The following DOCK3 variants were observed in gnomAD, a reference collection of about 807,000 sequenced individuals.
DOCK3 encodes the protein dedicator of cytokinesis 3, also known as dedicator of cytokinesis protein 3.
Under a neutral mutation model 265.6 loss-of-function variants are expected in DOCK3, and 60 were observed. That is an observed-to-expected ratio of 0.23 (90% CI 0.18 to 0.28). The LOEUF is 0.28. Ranked by LOEUF, DOCK3 falls within the 10% of genes least tolerant of loss-of-function variation. The pLI is 1.00. For synonymous variants in DOCK3, 881 were observed against 938.0 expected (o/e 0.94, Z 1.11); for missense variants, 1,981 against 2,594.3 (o/e 0.76, Z 5.14).
At chr3:50,723,789 A>G (rs193260365) in intron 1 of DOCK3, among the ~76,000 whole-genome samples, 2 of 152,368 alleles carry the variant, frequency 1.3e-5, no homozygotes, top group Admixed American at 6.5e-5. Context: ...ACACATGAGC[A>G]AAGACTTCAT....
chr3:51,168,493 A>T (rs942270327), intron 12 of DOCK3, among the ~76,000 whole-genome samples: 2 of 152,252 alleles, frequency 1.3e-5, no homozygotes, highest in Non-Finnish European at 2.9e-5. Context: ...CAATGGGGAA[A>T]GGACTCCCTA....
intron 4 of DOCK3, among the ~76,000 whole-genome samples, chr3:50,911,638 A>G (rs1480325598): frequency 6.6e-6 from 1 of 151,950 alleles, no homozygotes; most frequent in Non-Finnish European, 1.5e-5. Context: ...AGCTACTTGG[A>G]AAATTTTGTA....
chr3:50,963,558 C>T (rs766043924), intron 5 of DOCK3, among the ~76,000 whole-genome samples: 34 of 152,112 alleles, frequency 2.2e-4, no homozygotes, highest in Admixed American at 3.9e-4. Flanking sequence ...CTTCTGCCCA[C>T]GATAAAGTCA....
chr3:51,229,493 T>G lies in DOCK3; in HGVS notation c.1820-19T>G, dbSNP rs778579221. ...ATCCAGGTTTCAAGGGTTCCTCATC[T>G]TTTGGGCTTGCTTTCTAGTGGACCT... is the stretch of plus-strand genomic sequence containing the variant. On this transcript the variant is annotated intron_variant, in intron 18 of 52. Coordinates refer to ENST00000266037, the MANE Select transcript of DOCK3 (RefSeq NM_004947.5). The G allele has an allele frequency of 3.2e-6, 5 of 1,554,382 alleles. No individual in the cohort carries two copies. The African/African-American group carries it at 5.6e-5, about 17-fold the overall frequency.
chr3:50,970,686 C>G (rs1471871182), intron 5 of DOCK3, among the ~76,000 whole-genome samples: 1 of 139,812 alleles, frequency 7.2e-6, no homozygotes, highest in East Asian at 2.1e-4. Context: ...TTTCTGATTT[C>G]TTTGTGTTGG....
At chr3:51,323,384 C>T (rs2083872081) in intron 32 of DOCK3, among the ~76,000 whole-genome samples, 1 of 152,170 alleles carries the variant, frequency 6.6e-6, no homozygotes, top group Non-Finnish European at 1.5e-5. Flanking sequence ...ACTCTCCACC[C>T]CAAATCAACA....
chr3:50,768,620 G>T (rs1389774749), intron 1 of DOCK3, among the ~76,000 whole-genome samples: 1 of 152,156 alleles, frequency 6.6e-6, no homozygotes, highest in Non-Finnish European at 1.5e-5. Context: ...GTATTCTATT[G>T]TGTATATATA....
intron 1 of DOCK3, among the ~76,000 whole-genome samples, chr3:50,743,401 A>G (rs1298474318): frequency 1.3e-5 from 2 of 151,242 alleles, no homozygotes; most frequent in Non-Finnish European, 2.9e-5. Context: ...AGACTGGCAA[A>G]TTGGTTAAAG....
chr3:51,245,856 A>G (rs2078813529), intron 21 of DOCK3, among the ~76,000 whole-genome samples: 1 of 152,140 alleles, frequency 6.6e-6, no homozygotes, highest in South Asian at 2.1e-4. Flanking sequence ...AGTATTTGTG[A>G]TAACTTTGAG....
intron 12 of DOCK3, among the ~76,000 whole-genome samples, chr3:51,184,548 C>A (rs1295845333): frequency 1.4e-3 from 205 of 145,222 alleles, no homozygotes; most frequent in Middle Eastern, 3.6e-3. Flanking sequence ...CAATTTTAGC[C>A]AAAAAAAAAA....
At chr3:50,967,762 C>A (rs528175324) in intron 5 of DOCK3, among the ~76,000 whole-genome samples, 2 of 152,052 alleles carry the variant, frequency 1.3e-5, no homozygotes, top group South Asian at 4.1e-4. Context: ...CTTACTATCA[C>A]GAGAAAAGGA....
In DOCK3 at chr3:50,832,788, G is replaced by C. The variant is rs1164043075; in HGVS notation, c.122-8887G>C. 4.6e-5 allele frequency among the ~76,000 whole-genome samples: 7 copies of C among 152,080 alleles called. No individual in the cohort carries two copies. The East Asian group carries it at 1.2e-3, about 25-fold the overall frequency. On this transcript the variant is annotated intron_variant, in intron 2 of 52. Transcript: ENST00000266037. ...TCTGAAACTTCTTCAGGCTGAATAG[G>C]GGTGGTGATATTCCTGCCTAACTAT... is the stretch of plus-strand genomic sequence containing the variant.
intron 1 of DOCK3, among the ~76,000 whole-genome samples, chr3:50,683,760 T>C (rs1434944687): frequency 6.6e-6 from 1 of 151,802 alleles, no homozygotes; most frequent in Non-Finnish European, 1.5e-5. Context: ...GGAGGAAGGG[T>C]GGCACTAAAC....
intron 23 of DOCK3, among the ~76,000 whole-genome samples, chr3:51,269,859 T>C (rs528630742): frequency 6.6e-6 from 1 of 152,220 alleles, no homozygotes; most frequent in East Asian, 1.9e-4. Flanking sequence ...CATACCAGTA[T>C]CAAGACATAA....
chr3:51,073,950 A>G (rs2081970726), intron 6 of DOCK3, among the ~76,000 whole-genome samples: 1 of 152,220 alleles, frequency 6.6e-6, no homozygotes. Context: ...ATATTTTCCT[A>G]TAAACAGGGT....
chr3:51,050,831 A>T (rs2080967462), intron 5 of DOCK3, among the ~76,000 whole-genome samples: 1 of 152,204 alleles, frequency 6.6e-6, no homozygotes. Context: ...AAAATATTTT[A>T]CTAGATATTT....
intron 5 of DOCK3, among the ~76,000 whole-genome samples, chr3:51,053,094 T>TATATATAG (rs2081061117): frequency 1.2e-5 from 1 of 81,926 alleles, no homozygotes; most frequent in Non-Finnish European, 2.6e-5. Context: ...TATATATATA[T>TATATATAG]ATATATATAT....
chr3:51,203,401 A>G (rs1189124923), intron 12 of DOCK3, among the ~76,000 whole-genome samples: 2 of 152,110 alleles, frequency 1.3e-5, no homozygotes, highest in Non-Finnish European at 2.9e-5. Context: ...TCATGAGTAA[A>G]CTCCCATTCA....
chr3:50,676,918 CT>C (rs2034007280), intron 1 of DOCK3, among the ~76,000 whole-genome samples: 1 of 152,152 alleles, frequency 6.6e-6, no homozygotes, highest in South Asian at 2.1e-4. Context: ...ATAGTTTCTT[CT>C]TTTCCCTTAG....
Sources: allele counts gnomAD v4.1 joint callset (sites outside exome capture counted in the v4.1 genomes callset), GRCh38; gene constraint gnomAD v4.1.1; transcripts MANE v1.5; gene names NCBI Gene and HGNC (gene_info 2026-07-23, HGNC 2026-07-21).